The following ASAP1 variants were observed in gnomAD, a reference collection of about 807,000 sequenced individuals.
ASAP1 encodes ArfGAP with SH3 domain, ankyrin repeat and PH domain 1, also known as arf-GAP with SH3 domain, ANK repeat and PH domain-containing protein 1.
Under a neutral mutation model 145.2 loss-of-function variants are expected in ASAP1, and 43 were observed. The ratio of observed to expected loss-of-function variants is 0.30; its 90% CI spans 0.23 to 0.38. The LOEUF (loss-of-function observed/expected upper bound fraction) is 0.38, where lower values mean the gene tolerates loss of function less well. ASAP1 is among the 10% of genes least tolerant of loss of function. The pLI, the probability that ASAP1 is intolerant of heterozygous loss-of-function variation, is 1.00. For missense variants in ASAP1, 1,018 were observed against 1,355.3 expected, an observed-to-expected ratio of 0.75 and a Z score of 3.91; for synonymous variants, 546 against 515.5, an observed-to-expected ratio of 1.06 and a Z score of -0.80.
chr8:130,187,248 TAATCTTTCCAGGCTTTGTCA>T lies in ASAP1; in HGVS notation c.498_517del (p.Phe166LeufsTer2). 1 of 1,609,600 alleles carries T rather than the reference TAATCTTTCCAGGCTTTGTCA, an allele frequency of 6.2e-7. No homozygotes were observed. Among genetic ancestry groups the T allele is most frequent in the Non-Finnish European group, 8.5e-7 (1 of 1,178,930 alleles). Reference sequence around the variant, plus strand: ...AAAAACCACTTACAACTTTGTCTCATAATCTTTCCAGGCTTTGTCAAATGGCTTCTTGAGATCCTTAGAAA... The same window carrying T: ...AAAAACCACTTACAACTTTGTCTCATAATGGCTTCTTGAGATCCTTAGAAA... On this transcript the variant is annotated frameshift_variant, in exon 7 of 30. Coordinates refer to ENST00000518721, the MANE Select transcript of ASAP1 (RefSeq NM_018482.4). LOFTEE classifies it high-confidence loss of function.
At chr8:130,209,351 C>T (rs958153776) in intron 5 of ASAP1, among the ~76,000 whole-genome samples, 4 of 152,106 alleles carry the variant, frequency 2.6e-5, no homozygotes, top group Non-Finnish European at 4.4e-5. Flanking sequence ...CAAAGTATGG[C>T]GCCTAGGCCC....
chr8:130,144,838 T>C (rs1486304092), intron 13 of ASAP1, among the ~76,000 whole-genome samples: 1 of 152,200 alleles, frequency 6.6e-6, no homozygotes, highest in Non-Finnish European at 1.5e-5. Flanking sequence ...CTCCCAATCA[T>C]TTTAATAAAG....
chr8:130,237,024 TAGA>T (rs1565121803), intron 3 of ASAP1, 30 bp from the exon 4 acceptor site: 1 of 1,486,220 alleles, frequency 6.7e-7, no homozygotes. Context: ...GAAAAGATAT[TAGA>T]AGATTTGGTA....
At chr8:130,354,090 CTG>C (rs1411397969) in intron 3 of ASAP1, among the ~76,000 whole-genome samples, 3 of 152,070 alleles carry the variant, frequency 2.0e-5, no homozygotes, top group Non-Finnish European at 4.4e-5. Context: ...TGGGGTTTCA[CTG>C]TGTTAGCCAG....
chr8:130,297,147 T>C (rs1371893147), intron 3 of ASAP1, among the ~76,000 whole-genome samples: 1 of 152,200 alleles, frequency 6.6e-6, no homozygotes, highest in African/African-American at 2.4e-5. Flanking sequence ...TACCATCAAC[T>C]ATGGGCCAGG....
intron 5 of ASAP1, chr8:130,208,670 T>A (rs545682303): frequency 3.3e-5 from 5 of 152,182 alleles, no homozygotes; most frequent in Non-Finnish European, 5.9e-5. Context: ...AGTAGTTGGA[T>A]TGCCATTCCG....
rs911050904 is a variant in ASAP1, at chr8:130,167,358, T to C, written c.909+178A>G. 2 of 747,094 alleles carry C rather than the reference T, an allele frequency of 2.7e-6. 1 individual carries two copies. Among genetic ancestry groups the C allele is most frequent in the South Asian group, 2.8e-5 (2 of 71,016 alleles). 46.3% of individuals were successfully genotyped at this position (747,094 alleles called of 1,614,324 possible). A position where few individuals can be genotyped will look rare whatever the true frequency, so the allele number is the denominator to read the frequency against. ...GTCATGGAATTGGATACCCAGAACA[T>C]CTTTCCTATAAGCAAGGAAAAGGAA... is the stretch of plus-strand genomic sequence containing the variant. On this transcript the variant is annotated intron_variant, in intron 11 of 29. Coordinates refer to ENST00000518721, the MANE Select transcript of ASAP1 (RefSeq NM_018482.4).
At chr8:130,116,496 T>C (rs774477645) in intron 22 of ASAP1, among the ~76,000 whole-genome samples, 182 bp downstream of exon 22, 7 of 152,240 alleles carry the variant, frequency 4.6e-5, no homozygotes, top group Non-Finnish European at 8.8e-5. Context: ...TCCAAAAACA[T>C]GTGGATGACA....
At chr8:130,144,232 G>A (rs1321146881) in intron 13 of ASAP1, among the ~76,000 whole-genome samples, 3 of 152,166 alleles carry the variant, frequency 2.0e-5, no homozygotes, top group Admixed American at 1.3e-4. Flanking sequence ...AGATCTTATC[G>A]CCAGAATTTT....
chr8:130,402,076 G>C, intron 1 of ASAP1, 106 bp from the exon 2 acceptor site: 2 of 683,776 alleles, frequency 2.9e-6, no homozygotes, highest in Non-Finnish European at 4.9e-6. Context: ...CTGCACCTTT[G>C]TCAGGAATGT....
chr8:130,208,551 T>C (rs1162612955), intron 5 of ASAP1: 1 of 152,198 alleles, frequency 6.6e-6, no homozygotes, highest in African/African-American at 2.4e-5. Context: ...GGGAACTTTT[T>C]TTTTTTCACT....
At chr8:130,178,093 T>C (rs745920180) in intron 9 of ASAP1, among the ~76,000 whole-genome samples, 1 of 152,236 alleles carries the variant, frequency 6.6e-6, no homozygotes, top group African/African-American at 2.4e-5. Context: ...AATGTTTCAG[T>C]TGAATACAGG....
chr8:130,403,558 T>TTC (rs1554905703), intron 1 of ASAP1, among the ~76,000 whole-genome samples: 3 of 148,720 alleles, frequency 2.0e-5, no homozygotes, highest in Admixed American at 1.3e-4. Context: ...CTTTTTCTTT[T>TTC]TTTTTTTTTT....
At chr8:130,134,248 G>T (rs1320092986) in intron 15 of ASAP1, 48 bp downstream of exon 15, 3 of 1,402,376 alleles carry the variant, frequency 2.1e-6, no homozygotes, top group South Asian at 1.4e-5. Context: ...AAACAGAGAG[G>T]TGCTTTTTCA....
chr8:130,109,028 G>A (rs28407848), intron 24 of ASAP1, among the ~76,000 whole-genome samples: 34,163 of 151,834 alleles, frequency 0.23, 4,175 homozygotes, highest in South Asian at 0.36. Flanking sequence ...GGCCACCTCG[G>A]TCTCCCAAAG....
chr8:130,432,369 G>A (rs894958481), intron 1 of ASAP1, among the ~76,000 whole-genome samples: 1 of 152,144 alleles, frequency 6.6e-6, no homozygotes, highest in East Asian at 1.9e-4. Flanking sequence ...TTTGGATGAT[G>A]GGAACAGCAA....
intron 12 of ASAP1, among the ~76,000 whole-genome samples, chr8:130,154,618 C>CT (rs1416151785): frequency 2.6e-5 from 4 of 152,162 alleles, no homozygotes. Flanking sequence ...TTATGTTTTT[C>CT]TTTTCCTTCT....
At chr8:130,247,750 A>T (rs1818937834) in intron 3 of ASAP1, among the ~76,000 whole-genome samples, 1 of 152,202 alleles carries the variant, frequency 6.6e-6, no homozygotes, top group Non-Finnish European at 1.5e-5. Flanking sequence ...TATCTGCTAA[A>T]TACTTTGCTC....
intron 2 of ASAP1, among the ~76,000 whole-genome samples, chr8:130,379,475 G>A (rs1032168093): frequency 3.3e-5 from 5 of 152,178 alleles, no homozygotes; most frequent in African/African-American, 9.7e-5. Flanking sequence ...TCAGACACAC[G>A]CAGCCTCTGG....
Sources: gnomAD v4.1 joint callset for allele counts (sites outside exome capture counted in the v4.1 genomes callset) on GRCh38, gnomAD v4.1.1 for gene constraint, MANE v1.5 for transcripts, NCBI Gene and HGNC (gene_info 2026-07-23, HGNC 2026-07-21) for gene names.